RERE: variants seen among roughly 807,000 people sequenced by gnomAD.
RERE encodes the protein arginine-glutamic acid dipeptide repeats.
A neutral mutation model predicts 146.1 loss-of-function variants in RERE; 40 were observed. The ratio of observed to expected loss-of-function variants is 0.27; its 90% confidence interval spans 0.21 to 0.36. RERE has a LOEUF of 0.36. Among genes scored for constraint, RERE ranks in the 10% least tolerant of loss-of-function variants. The pLI is 1.00. For missense variants in RERE, 1,933 were observed against 2,138.7 expected, an observed-to-expected ratio of 0.90 and a Z score of 1.90; for synonymous variants, 1,003 against 866.0, an observed-to-expected ratio of 1.16 and a Z score of -2.78.
chr1:8,490,414 C>A (rs1644965896), intron 10 of RERE, among the ~76,000 whole-genome samples: 1 of 148,604 alleles, frequency 6.7e-6, no homozygotes, highest in African/African-American at 2.6e-5. Flanking sequence ...TTCCTACGTA[C>A]AAACAATCCT....
At chr1:8,581,018 T>A (rs776633323) in intron 4 of RERE, among the ~76,000 whole-genome samples, 18 of 152,100 alleles carry the variant, frequency 1.2e-4, no homozygotes, top group Non-Finnish European at 1.9e-4. Context: ...CTGATTTCCA[T>A]CACAGATTAA....
Position 8,360,312 on chromosome 1 carries a change from C to T in RERE, c.3195G>A (p.Ser1065=), listed in dbSNP as rs1424523183. ...TSTPPAGPGT[S]AQPPCSGAAA... Reference sequence around the variant, plus strand: ...CCGCACCAGAGCAGGGTGGCTGGGCCGAGGTGCCAGGTCCCGCCGGTGGGG... The same window carrying T: ...CCGCACCAGAGCAGGGTGGCTGGGCTGAGGTGCCAGGTCCCGCCGGTGGGG... Residue 1065 remains serine (S), a synonymous_variant, in exon 18 of 23, where the codon TCG becomes TCA. Transcript: ENST00000400908. The T allele has an allele frequency of 5.5e-5, 84 of 1,536,948 alleles. No homozygotes were observed. The highest frequency in any genetic ancestry group is 1.1e-4 in the South Asian group (9 of 82,626).
chr1:8,707,288 C>A (rs559540679), intron 1 of RERE, among the ~76,000 whole-genome samples: 1 of 152,136 alleles, frequency 6.6e-6, no homozygotes, highest in Non-Finnish European at 1.5e-5. Context: ...ATAATTAAAT[C>A]GAAAGTCTAG....
At chr1:8,414,990 G>A (rs78054286) in intron 12 of RERE, among the ~76,000 whole-genome samples, 2 of 152,016 alleles carry the variant, frequency 1.3e-5, no homozygotes, top group Non-Finnish European at 2.9e-5. Flanking sequence ...TTACTCAAGG[G>A]TATAGTTTCA....
At chr1:8,757,919 C>T (rs12068006) in intron 1 of RERE, among the ~76,000 whole-genome samples, 5 of 150,634 alleles carry the variant, frequency 3.3e-5, no homozygotes, top group South Asian at 4.2e-4. Flanking sequence ...CATACACACA[C>T]ACACACACAC....
chr1:8,371,848 T>A (rs1023361020), intron 12 of RERE, among the ~76,000 whole-genome samples: 18 of 152,208 alleles, frequency 1.2e-4, no homozygotes, highest in African/African-American at 4.3e-4. Context: ...TTCTGCTTTA[T>A]CTTGGGTAAG....
chr1:8,543,795 A>G (rs1484884544), intron 6 of RERE, among the ~76,000 whole-genome samples: 1 of 152,038 alleles, frequency 6.6e-6, no homozygotes, highest in East Asian at 1.9e-4. Flanking sequence ...ACTGGCTTAC[A>G]GAAAGCCAAA....
intron 7 of RERE, among the ~76,000 whole-genome samples, chr1:8,515,418 C>T (rs973707168): frequency 5.3e-5 from 8 of 151,054 alleles, no homozygotes; most frequent in Non-Finnish European, 1.0e-4. Flanking sequence ...GGTCACCTGA[C>T]GTCAGGAGTT....
At chr1:8,576,062 T>G (rs1008710918) in intron 4 of RERE, among the ~76,000 whole-genome samples, 1 of 152,166 alleles carries the variant, frequency 6.6e-6, no homozygotes, top group Non-Finnish European at 1.5e-5. Flanking sequence ...GGTCTGAGGA[T>G]TAGACAGTAA....
rs1479713330 is a variant in RERE at position 8,359,785 on chromosome 1, C to T, written c.3597G>A (p.Glu1199=). Residue 1199 remains glutamate, a synonymous_variant, in exon 19 of 23, where the codon GAG becomes GAA. Transcript: ENST00000400908. ...TCACAGCCGCCCGCTCTGCCTCGCG[C>T]TCCCGCTCTCGCTCCCGCTCCCGCT... ...EKERERERER[E]REAERAAKAS... The T allele has an allele frequency of 6.2e-7, 1 of 1,601,440 alleles. No individual in the cohort carries two copies. Among genetic ancestry groups the T allele is most frequent in the East Asian group, 2.2e-5 (1 of 44,826 alleles).
intron 4 of RERE, among the ~76,000 whole-genome samples, chr1:8,566,009 C>G (rs1646148111): frequency 6.6e-6 from 1 of 152,202 alleles, no homozygotes; most frequent in South Asian, 2.1e-4. Context: ...CCCAAATGCA[C>G]TGAGTCATTA....
intron 8 of RERE, among the ~76,000 whole-genome samples, chr1:8,501,508 G>A (rs1347368910): frequency 1.0e-5 from 1 of 96,952 alleles, no homozygotes; most frequent in Non-Finnish European, 2.0e-5. Flanking sequence ...GAGGGAGGTG[G>A]GGGGATCAGC....
chr1:8,519,021 G>A (rs1645456501), intron 7 of RERE, among the ~76,000 whole-genome samples: 3 of 152,160 alleles, frequency 2.0e-5, no homozygotes, highest in African/African-American at 7.2e-5. Flanking sequence ...CCACACCTGA[G>A]TCTAGATGTT....
chr1:8,807,264 G>C (rs1641709751), intron 1 of RERE, among the ~76,000 whole-genome samples: 1 of 152,016 alleles, frequency 6.6e-6, no homozygotes, highest in Non-Finnish European at 1.5e-5. Context: ...ACGTTGCCCA[G>C]GCTGGTCTCA....
At chr1:8,593,919 G>GGT in intron 4 of RERE, among the ~76,000 whole-genome samples, 1 of 152,118 alleles carries the variant, frequency 6.6e-6, no homozygotes, top group African/African-American at 2.4e-5. Flanking sequence ...GAGGAGACTA[G>GGT]ATACCTGAGG....
intron 1 of RERE, among the ~76,000 whole-genome samples, chr1:8,815,549 G>A (rs973700083): frequency 1.1e-4 from 17 of 152,120 alleles, no homozygotes; most frequent in African/African-American, 3.9e-4. Context: ...AGAAACCACG[G>A]CTGCAAAAGG....
At chr1:8,736,714 A>G (rs1640206832) in intron 1 of RERE, among the ~76,000 whole-genome samples, 1 of 152,122 alleles carries the variant, frequency 6.6e-6, no homozygotes, top group East Asian at 1.9e-4. Context: ...ATTTTACCCA[A>G]GGGACAGTCA....
At chr1:8,572,755 C>T (rs530092978) in intron 4 of RERE, among the ~76,000 whole-genome samples, 3 of 152,180 alleles carry the variant, frequency 2.0e-5, no homozygotes, top group Non-Finnish European at 2.9e-5. Context: ...CCAATTCCCC[C>T]AACCCTCTCC....
At chr1:8,595,353 A>G (rs1646542658) in intron 4 of RERE, among the ~76,000 whole-genome samples, 1 of 152,066 alleles carries the variant, frequency 6.6e-6, no homozygotes. Context: ...TATATTTATC[A>G]TTAAATACCA....
Sources: allele counts gnomAD v4.1 joint callset (sites outside exome capture counted in the v4.1 genomes callset), GRCh38; gene constraint gnomAD v4.1.1; transcripts MANE v1.5; gene names NCBI Gene and HGNC (gene_info 2026-07-23, HGNC 2026-07-21).